POLR3G: variants seen among roughly 807,000 people sequenced by gnomAD.
The protein encoded by POLR3G is RNA polymerase III subunit G, also known as DNA-directed RNA polymerase III subunit RPC7.
In POLR3G, 28 loss-of-function variants were observed where a neutral mutation model predicts 30.1. The ratio of observed to expected loss-of-function variants is 0.93; its 90% CI spans 0.69 to 1.27. The LOEUF is 1.27. Ranked by LOEUF, POLR3G falls within the 50% of genes most tolerant of loss-of-function variation. The pLI, the probability that POLR3G is intolerant of heterozygous loss-of-function variation, is 0.00. For missense variants in POLR3G, 254 were observed against 264.6 expected (o/e 0.96, Z 0.28); for synonymous variants, 79 against 82.5 (o/e 0.96, Z 0.23).
upstream of POLR3G, chr5:90,474,535 C>A (rs1750675193): frequency 1.9e-6 from 1 of 530,678 alleles, no homozygotes; most frequent in South Asian, 2.3e-5. Context: ...GAGGCTGCGC[C>A]ACCAGCACGG....
In POLR3G at chr5:90,501,906, C is replaced by G; in HGVS notation, c.356C>G (p.Ala119Gly). Residue 119 changes from alanine to glycine, a missense_variant and splice_region_variant, in exon 6 of 8, where the codon GCA (alanine) becomes GGA (glycine). Coordinates refer to ENST00000651687, the MANE Select transcript of POLR3G (RefSeq NM_006467.3). ...EMMPRNKCKK[A>G]GPKPKKAKDA... ...GTGTTAACTGGTAGTTTTACTTCAG[C>G]AGGCCCAAAACCCAAAAAGGCAAAA... 1 of 1,613,006 alleles carries G rather than the reference C, an allele frequency of 6.2e-7. No homozygotes were observed. The highest frequency in any genetic ancestry group is 1.1e-5 in the South Asian group (1 of 90,964).
intron 6 of POLR3G, among the ~76,000 whole-genome samples, chr5:90,503,752 G>A (rs1028807642): frequency 6.6e-6 from 1 of 152,172 alleles, no homozygotes; most frequent in African/African-American, 2.4e-5. Context: ...ATTCGTGGAT[G>A]GAGAGGGAGT....
intron 5 of POLR3G, among the ~76,000 whole-genome samples, chr5:90,500,309 C>A (rs1442686355): frequency 2.0e-5 from 3 of 151,910 alleles, no homozygotes; most frequent in Non-Finnish European, 4.4e-5. Context: ...CAGCTACTGC[C>A]ATGTGTTAAA....
intron 1 of POLR3G, among the ~76,000 whole-genome samples, chr5:90,485,113 CATGCTAAG>C (rs1751369008): frequency 6.6e-6 from 1 of 152,198 alleles, no homozygotes; most frequent in East Asian, 1.9e-4. Context: ...CAAACACTCA[CATGCTAAG>C]ATAAATCATT....
In POLR3G at chr5:90,506,653, T is replaced by A; in HGVS notation, c.564T>A (p.Tyr188Ter). 1 of 1,609,532 alleles carries A rather than the reference T, an allele frequency of 6.2e-7. No homozygotes were observed. The highest frequency in any genetic ancestry group is 8.5e-7 in the Non-Finnish European group (1 of 1,178,194). ...ATGATGCCGCAGAACAGGAGGAATA[T>A]GATGAAGAAGAGCAAGAAGAGGTAA... is the stretch of plus-strand genomic sequence containing the variant. ...DDDDAAEQEEYDEEEQEEEND... is the reference protein window; with the variant it reads ...DDDDAAEQEE The change falls in exon 7 of 8, where the codon TAT (tyrosine) becomes TAA (stop). Residue 188 changes from tyrosine (Y) to a stop codon, truncating the protein, a stop_gained. Transcript: ENST00000651687. LOFTEE classifies it high-confidence loss of function.
rs527808291 is a variant in POLR3G at position 90,495,624 on chromosome 5, T to A, written c.248-53T>A. ...AATAATCTTAAAGGAATGGCTTAAGTTCAGGGTTACTGTTGATTTTCCTAA... is the reference window on the plus strand; with the variant it reads ...AATAATCTTAAAGGAATGGCTTAAGATCAGGGTTACTGTTGATTTTCCTAA... On this transcript the variant is annotated intron_variant, in intron 3 of 7. Coordinates refer to ENST00000651687, the MANE Select transcript of POLR3G (RefSeq NM_006467.3). 62 of 1,582,376 alleles carry A rather than the reference T, an allele frequency of 3.9e-5. No individual in the cohort carries two copies. In the East Asian group the frequency reaches 1.3e-3, roughly 32 times the overall value.
chr5:90,474,712 G>A (rs1272373341), upstream of POLR3G: 2 of 207,160 alleles, frequency 9.7e-6, no homozygotes, highest in Non-Finnish European at 1.9e-5. Context: ...CCCACCCACT[G>A]GCTCTGCAGG....
At chr5:90,502,446 GCTTT>G (rs1053325395) in intron 6 of POLR3G, 68 of 781,268 alleles carry the variant, frequency 8.7e-5, no homozygotes, top group Middle Eastern at 6.6e-4. Flanking sequence ...TATTTTTATA[GCTTT>G]CTTTATCTAA....
chr5:90,483,143 CA>C (rs35917267), intron 1 of POLR3G, among the ~76,000 whole-genome samples: 81 of 101,606 alleles, frequency 8.0e-4, no homozygotes, highest in Middle Eastern at 5.2e-3. Context: ...TCCTCCGTCT[CA>C]AAAAAAAAAA....
rs1752834251 is a variant in POLR3G at position 90,513,633 on chromosome 5, T to A, written c.*1494T>A. 6.6e-6 allele frequency: 1 copy of A among 152,228 alleles called. No individual in the cohort carries two copies. The highest frequency in any genetic ancestry group is 2.1e-4 in the South Asian group (1 of 4,834). 9.4% of individuals were successfully genotyped at this position (152,228 alleles called of 1,614,324 possible). A position where few individuals can be genotyped will look rare whatever the true frequency, so the allele number is the denominator to read the frequency against. ...TGTATTGTCTTGTGCCATTCTGCAATATGAATTTCTCAGGAAAAAGATGTT... is the reference window on the plus strand; with the variant it reads ...TGTATTGTCTTGTGCCATTCTGCAAAATGAATTTCTCAGGAAAAAGATGTT... On this transcript the variant is annotated 3_prime_UTR_variant, in exon 8 of 8. Transcript: ENST00000651687.
chr5:90,474,804 C>T (rs1292598748), upstream of POLR3G: 2 of 178,024 alleles, frequency 1.1e-5, no homozygotes, highest in African/African-American at 2.4e-5. Flanking sequence ...GGCAAAAAAA[C>T]CTCTTTGCCG....
At chr5:90,502,407 C>A in intron 6 of POLR3G, 2 of 878,510 alleles carry the variant, frequency 2.3e-6, no homozygotes, top group Non-Finnish European at 2.7e-6. Flanking sequence ...ATTGAAGACT[C>A]TTGAGGGAAA....
intron 7 of POLR3G, among the ~76,000 whole-genome samples, chr5:90,507,461 T>C (rs950237968): frequency 6.6e-6 from 1 of 152,240 alleles, no homozygotes; most frequent in Non-Finnish European, 1.5e-5. Context: ...AACAGAGAAG[T>C]GTGGATACAT....
intron 5 of POLR3G, among the ~76,000 whole-genome samples, chr5:90,499,085 T>C (rs1752122161): frequency 6.6e-6 from 1 of 152,200 alleles, no homozygotes; most frequent in Non-Finnish European, 1.5e-5. Flanking sequence ...AATATACAAA[T>C]ATAAATGTTA....
At chr5:90,488,485 T>C (rs1427203676) in intron 3 of POLR3G, among the ~76,000 whole-genome samples, 1 of 152,116 alleles carries the variant, frequency 6.6e-6, no homozygotes, top group East Asian at 1.9e-4. Context: ...AAAATTAGAT[T>C]CACATTACTT....
At chr5:90,476,082 G>T (rs1441315422) in intron 1 of POLR3G, among the ~76,000 whole-genome samples, 1 of 152,184 alleles carries the variant, frequency 6.6e-6, no homozygotes, top group Non-Finnish European at 1.5e-5. Flanking sequence ...CAGGAAAAAT[G>T]ATAAAGAGAC....
chr5:90,476,702 C>A (rs1157275920), intron 1 of POLR3G, among the ~76,000 whole-genome samples: 1 of 152,152 alleles, frequency 6.6e-6, no homozygotes, highest in Non-Finnish European at 1.5e-5. Flanking sequence ...AATAAGTTTC[C>A]AAGGAGACCT....
intron 3 of POLR3G, among the ~76,000 whole-genome samples, chr5:90,494,374 T>C (rs1438606769): frequency 6.6e-6 from 1 of 152,250 alleles, no homozygotes; most frequent in Non-Finnish European, 1.5e-5. Context: ...AACATTCATG[T>C]ACATGTTTTA....
rs527857555 is a variant in POLR3G at position 90,479,286 on chromosome 5, A to G, written c.-44+4266A>G. 4.6e-5 allele frequency among the ~76,000 whole-genome samples: 7 copies of G among 152,300 alleles called. No individual in the cohort carries two copies. The East Asian group carries it at 1.4e-3, about 29-fold the overall frequency. ...CAGAAGTTCAAGACCAGCCTTGCCA[A>G]CATGGTGAAACCCCCATCTTTACTA... On this transcript the variant is annotated intron_variant, in intron 1 of 7. Transcript: ENST00000651687.
Sources: gnomAD v4.1 joint callset for allele counts (sites outside exome capture counted in the v4.1 genomes callset) on GRCh38, gnomAD v4.1.1 for gene constraint, MANE v1.5 for transcripts, NCBI Gene and HGNC (gene_info 2026-07-23, HGNC 2026-07-21) for gene names.